C8orf34: variants seen among roughly 807,000 people sequenced by gnomAD.
The protein encoded by C8orf34 is chromosome 8 open reading frame 34.
In C8orf34, 65 loss-of-function variants were observed where a neutral mutation model predicts 68.3. The observed-to-expected ratio is 0.95, with a 90% CI of 0.78 to 1.17. C8orf34 has a LOEUF of 1.17. C8orf34 is among the 50% of genes most tolerant of loss of function. The pLI is 0.00. For missense variants in C8orf34, 664 were observed against 655.4 expected, an observed-to-expected ratio of 1.01 and a Z score of -0.14; for synonymous variants, 244 against 241.2, an observed-to-expected ratio of 1.01 and a Z score of -0.11.
chr8:68,597,870 G>T (rs1009820537), intron 7 of C8orf34, among the ~76,000 whole-genome samples: 1 of 152,046 alleles, frequency 6.6e-6, no homozygotes, highest in South Asian at 2.1e-4. Flanking sequence ...AAAAAATGAA[G>T]GTGGTGAATA....
At chr8:68,689,775 G>T (rs1820632858) in intron 8 of C8orf34, among the ~76,000 whole-genome samples, 1 of 151,962 alleles carries the variant, frequency 6.6e-6, no homozygotes, top group African/African-American at 2.4e-5. Context: ...CTTCCTTGAA[G>T]TTTCAGTTAT....
At chr8:68,460,290 G>C (rs1029611895) in intron 3 of C8orf34, among the ~76,000 whole-genome samples, 1 of 152,368 alleles carries the variant, frequency 6.6e-6, no homozygotes, top group East Asian at 1.9e-4. Flanking sequence ...CAGCCAGGAA[G>C]CTCGAACTGC....
chr8:68,579,534 T>C (rs189193906), intron 7 of C8orf34, among the ~76,000 whole-genome samples: 3 of 152,314 alleles, frequency 2.0e-5, no homozygotes, highest in Admixed American at 6.5e-5. Context: ...ACTAGTCTGA[T>C]GGTTTATCTT....
chr8:68,744,338 C>T (rs1253098412), intron 10 of C8orf34, among the ~76,000 whole-genome samples: 1 of 152,200 alleles, frequency 6.6e-6, no homozygotes, highest in Non-Finnish European at 1.5e-5. Context: ...TCTCCTCCTC[C>T]AAAGGAATGC....
intron 1 of C8orf34, among the ~76,000 whole-genome samples, chr8:68,418,782 A>G (rs1809798970): frequency 6.6e-6 from 1 of 152,176 alleles, no homozygotes; most frequent in Non-Finnish European, 1.5e-5. Flanking sequence ...AGCCATATGT[A>G]GAAAGTTGAA....
chr8:68,460,565 C>T (rs1811766371), intron 3 of C8orf34, among the ~76,000 whole-genome samples: 1 of 152,178 alleles, frequency 6.6e-6, no homozygotes, highest in Non-Finnish European at 1.5e-5. Context: ...ACTGACACCT[C>T]ACATGGCCAG....
chr8:68,565,439 G>A (rs922347539), intron 7 of C8orf34, among the ~76,000 whole-genome samples: 3 of 152,180 alleles, frequency 2.0e-5, no homozygotes, highest in Non-Finnish European at 4.4e-5. Context: ...AGCTGTCTCT[G>A]AGGATATGCA....
At chr8:68,537,585 A>T (rs1310532030) in intron 7 of C8orf34, among the ~76,000 whole-genome samples, 1 of 151,838 alleles carries the variant, frequency 6.6e-6, no homozygotes, top group African/African-American at 2.4e-5. Context: ...TAGAGTAGAA[A>T]AAATCACATA....
chr8:68,818,437 A>AG lies in C8orf34; in HGVS notation c.*193dup, dbSNP rs1824885208. 1 of 609,236 alleles carries AG rather than the reference A, an allele frequency of 1.6e-6. No individual in the cohort carries two copies. The allele number at this position is 609,236 out of a possible 1,614,324, so 37.7% of individuals were successfully genotyped here. On this transcript the variant is annotated 3_prime_UTR_variant, in exon 14 of 14. Transcript: ENST00000518698. ...AATCAGAGAACACTAATCCTGGCAA[A>AG]GGATTGTGGGGTGGTCAGGAGGCCG...
chr8:68,539,952 G>C (rs1815639345), intron 7 of C8orf34, among the ~76,000 whole-genome samples: 1 of 151,950 alleles, frequency 6.6e-6, no homozygotes, highest in African/African-American at 2.4e-5. Flanking sequence ...AAAAATGGCA[G>C]CTTTTATGAG....
At chr8:68,808,393 A>G (rs1824546107) in intron 12 of C8orf34, among the ~76,000 whole-genome samples, 1 of 152,054 alleles carries the variant, frequency 6.6e-6, no homozygotes, top group African/African-American at 2.4e-5. Context: ...TATTTTTGCC[A>G]AACATAGTAT....
At chr8:68,444,083 C>T (rs1224799857) in intron 2 of C8orf34, among the ~76,000 whole-genome samples, 1 of 151,872 alleles carries the variant, frequency 6.6e-6, no homozygotes, top group East Asian at 1.9e-4. Context: ...GTTTGCTTTT[C>T]TTTGTTGACT....
intron 3 of C8orf34, among the ~76,000 whole-genome samples, chr8:68,459,840 C>A (rs966023500): frequency 6.6e-6 from 1 of 152,202 alleles, no homozygotes; most frequent in African/African-American, 2.4e-5. Flanking sequence ...CAGCTCCGGT[C>A]TACAGCTCCC....
intron 10 of C8orf34, among the ~76,000 whole-genome samples, chr8:68,752,346 G>A (rs1272320689): frequency 1.3e-5 from 2 of 152,150 alleles, no homozygotes; most frequent in East Asian, 1.9e-4. Flanking sequence ...ATACTTGTAA[G>A]TTCATTGCTC....
chr8:68,439,139 AATG>A (rs1188167039), intron 1 of C8orf34: 1 of 157,884 alleles, frequency 6.3e-6, no homozygotes, highest in Non-Finnish European at 1.4e-5. Context: ...TTTAGTTTAT[AATG>A]ATATCTCTCA....
chr8:68,519,733 T>TG lies in C8orf34; in HGVS notation c.766-2059dup, dbSNP rs1009577961. Among the ~76,000 whole-genome samples, 10 of 151,568 alleles carry TG rather than the reference T, an allele frequency of 6.6e-5. No individual in the cohort carries two copies. The South Asian group carries it at 1.3e-3, about 19-fold the overall frequency. On this transcript the variant is annotated intron_variant, in intron 5 of 13. Transcript: ENST00000518698. The stretch of plus-strand genomic sequence containing the variant: ...TAAAAAATGGTCTTTCACCTGGGGG[T>TG]GGGGGGGAAGAATTTTATGGTTTAA...
intron 1 of C8orf34, among the ~76,000 whole-genome samples, chr8:68,421,566 G>A (rs1014796192): frequency 6.6e-5 from 10 of 152,140 alleles, no homozygotes; most frequent in Admixed American, 4.6e-4. Context: ...TGATATGTCA[G>A]TAGTATTATC....
At chr8:68,739,544 G>C (rs1822220125) in intron 10 of C8orf34, among the ~76,000 whole-genome samples, 1 of 151,982 alleles carries the variant, frequency 6.6e-6, no homozygotes, top group African/African-American at 2.4e-5. Context: ...GGAGGTGAAA[G>C]ATCTTTACAA....
chr8:68,668,147 A>T (rs1336786537), intron 8 of C8orf34, among the ~76,000 whole-genome samples: 1 of 152,140 alleles, frequency 6.6e-6, no homozygotes, highest in Non-Finnish European at 1.5e-5. Flanking sequence ...TATAAGTATC[A>T]ATATATAGCT....
Sources: gnomAD v4.1 joint callset for allele counts (sites outside exome capture counted in the v4.1 genomes callset) on GRCh38, gnomAD v4.1.1 for gene constraint, MANE v1.5 for transcripts, NCBI Gene and HGNC (gene_info 2026-07-23, HGNC 2026-07-21) for gene names.